USP39: variants seen among roughly 807,000 people sequenced by gnomAD.
USP39 encodes the protein ubiquitin specific peptidase 39.
A neutral mutation model predicts 66.4 loss-of-function variants in USP39; 38 were observed. The observed-to-expected ratio is 0.57, with a 90% CI of 0.44 to 0.75. The LOEUF (loss-of-function observed/expected upper bound fraction) is 0.75, where lower values mean the gene tolerates loss of function less well. USP39 is among the 30% of genes least tolerant of loss of function. USP39 has a pLI of 0.00. For missense variants in USP39, 608 were observed against 714.4 expected (o/e 0.85, Z 1.70); for synonymous variants, 303 against 274.6 (o/e 1.10, Z -1.02).
intron 8 of USP39, among the ~76,000 whole-genome samples, chr2:85,638,185 C>G (rs1675931758): frequency 6.6e-6 from 1 of 151,800 alleles, no homozygotes; most frequent in Non-Finnish European, 1.5e-5. Flanking sequence ...CTATGCCTGG[C>G]TAATTTTTCT....
At chr2:85,615,123 C>T (rs1056247487), upstream of USP39, among the ~76,000 whole-genome samples, 2 of 151,992 alleles carry the variant, frequency 1.3e-5, no homozygotes, top group Non-Finnish European at 2.9e-5. Context: ...CGGGTTCAAG[C>T]GATTCTCCTG....
At chr2:85,622,789 A>T (rs1049525492) in intron 3 of USP39, among the ~76,000 whole-genome samples, 2 of 152,106 alleles carry the variant, frequency 1.3e-5, no homozygotes, top group African/African-American at 4.8e-5. Context: ...TACACACCTA[A>T]TCCTAGCATT....
At chr2:85,620,437 C>T (rs1295032434) in intron 2 of USP39, among the ~76,000 whole-genome samples, 1 of 151,654 alleles carries the variant, frequency 6.6e-6, no homozygotes, top group East Asian at 1.9e-4. Flanking sequence ...TGAGATTGCG[C>T]CACTGTACTC....
chr2:85,620,181 A>C (rs1674350717), intron 2 of USP39, among the ~76,000 whole-genome samples: 2 of 151,480 alleles, frequency 1.3e-5, no homozygotes, highest in Admixed American at 6.6e-5. Context: ...TTTTAAAAAA[A>C]CTTAAAAAAA....
chr2:85,616,521 C>G (rs1673970262), intron 1 of USP39, 58 bp downstream of exon 1: 1 of 1,071,922 alleles, frequency 9.3e-7, no homozygotes, highest in Non-Finnish European at 1.1e-6. Context: ...GTCCTTTTTT[C>G]TTGTCTCTAA....
chr2:85,647,878 AC>A (rs1281985762), intron 11 of USP39, 51 bp from the exon 12 acceptor site: 11 of 1,560,132 alleles, frequency 7.1e-6, no homozygotes, highest in South Asian at 1.1e-5. Context: ...TTCCTTCTAC[AC>A]CCTTTTGGTT....
intron 6 of USP39, among the ~76,000 whole-genome samples, chr2:85,631,176 G>A (rs770063662): frequency 7.2e-5 from 11 of 151,858 alleles, no homozygotes; most frequent in Admixed American, 4.6e-4. Flanking sequence ...CACCACGCCC[G>A]GCTAATTTTT....
chr2:85,638,838 A>ATTT lies in USP39; in HGVS notation c.1096-352_1096-350dup, dbSNP rs199596765. On this transcript the variant is annotated intron_variant, in intron 8 of 12. Coordinates refer to ENST00000323701, the MANE Select transcript of USP39 (RefSeq NM_006590.4). ...AGGTGTGAGCCATCATGCCCGGCCA[A>ATTT]TTTTTTTTTTTTTTTGTAGAGATGG... Among the ~76,000 whole-genome samples the ATTT allele has an allele frequency of 2.2e-3, 290 of 132,310 alleles. 6 individuals carry two copies. In the East Asian group the frequency reaches 0.039, roughly 18 times the overall value. 86.8% of individuals were successfully genotyped at this position (132,310 alleles called of 152,430 possible). A position where few individuals can be genotyped will look rare whatever the true frequency, so the allele number is the denominator to read the frequency against.
intron 1 of USP39, among the ~76,000 whole-genome samples, chr2:85,618,046 C>T (rs1045095013): frequency 3.3e-5 from 5 of 152,004 alleles, no homozygotes; most frequent in African/African-American, 1.2e-4. Flanking sequence ...CTCTGCCTCC[C>T]AGGTTCAAGC....
chr2:85,642,549 A>G (rs1286069257), intron 10 of USP39, among the ~76,000 whole-genome samples: 1 of 152,224 alleles, frequency 6.6e-6, no homozygotes, highest in Non-Finnish European at 1.5e-5. Context: ...AGTAGGCCCA[A>G]TATAAAAGTT....
upstream of USP39, chr2:85,607,747 A>G (rs1448478081): frequency 6.6e-6 from 1 of 152,238 alleles, no homozygotes; most frequent in Non-Finnish European, 1.5e-5. Context: ...GCTTAAAGCC[A>G]TATTTCAAGG....
chr2:85,635,152 G>A (rs72923066), intron 6 of USP39, among the ~76,000 whole-genome samples: 2,968 of 152,306 alleles, frequency 0.019, 107 homozygotes, highest in African/African-American at 0.067. Context: ...GGAGTTGTTA[G>A]AGGCCTCTGG....
upstream of USP39, among the ~76,000 whole-genome samples, chr2:85,610,042 T>C (rs995433255): frequency 7.5e-6 from 1 of 132,548 alleles, no homozygotes; most frequent in Non-Finnish European, 1.6e-5. Context: ...TGAGACGGAG[T>C]CTTGCTCTGT....
At chr2:85,635,651 C>T (rs561905761) in intron 6 of USP39, among the ~76,000 whole-genome samples, 343 of 152,246 alleles carry the variant, frequency 2.3e-3, no homozygotes, top group Middle Eastern at 6.8e-3. Context: ...GCTTTCAGAA[C>T]CCCTTGTTCT....
At chr2:85,611,262 A>G, upstream of USP39, 1 of 1,386,284 alleles carries the variant, frequency 7.2e-7, no homozygotes, top group Non-Finnish European at 9.3e-7. Context: ...ATTGACCGTC[A>G]TATATTAACC....
At chr2:85,638,007 C>T (rs1204035881) in intron 8 of USP39, among the ~76,000 whole-genome samples, 1 of 147,414 alleles carries the variant, frequency 6.8e-6, no homozygotes, top group Non-Finnish European at 1.5e-5. Context: ...CTCAGCTAAG[C>T]TTCCTAGATG....
At position 85,633,072 on chromosome 2, in the gene USP39, C is replaced by A. The variant is rs180685765; in HGVS notation, c.949+2126C>A. ...GGGACCAGATGGCCTGCTTTATAAGCTACCATAAGGAGCTTGGATTATATC... is the reference window on the plus strand; with the variant it reads ...GGGACCAGATGGCCTGCTTTATAAGATACCATAAGGAGCTTGGATTATATC... On this transcript the variant is annotated intron_variant, in intron 6 of 12. Transcript: ENST00000323701. Among the ~76,000 whole-genome samples, 98 of 152,160 alleles carry A rather than the reference C, an allele frequency of 6.4e-4. 2 individuals carry two copies. Among genetic ancestry groups the A allele is most frequent in the South Asian group, 4.4e-3 (21 of 4,820 alleles).
chr2:85,648,124 G>T (rs894394292), intron 12 of USP39, 108 bp downstream of exon 12: 5 of 1,135,390 alleles, frequency 4.4e-6, no homozygotes, highest in Non-Finnish European at 6.5e-6. Flanking sequence ...TGGTTGGAGG[G>T]CCAGGTACCT....
chr2:85,619,314 A>G lies in USP39; in HGVS notation c.338+25A>G, dbSNP rs372760681. On this transcript the variant is annotated intron_variant, in intron 2 of 12. Coordinates refer to ENST00000323701, the MANE Select transcript of USP39 (RefSeq NM_006590.4). Reference sequence around the variant, plus strand: ...GGTCAGTAGGACAGAGATGCTGAGTATAGCACAAGAACAATGGAATCTGTG... The same window carrying G: ...GGTCAGTAGGACAGAGATGCTGAGTGTAGCACAAGAACAATGGAATCTGTG... The G allele has an allele frequency of 6.2e-6, 10 of 1,608,810 alleles. No individual in the cohort carries two copies. In the African/African-American group the frequency reaches 8.0e-5, roughly 13 times the overall value.
Sources: allele counts gnomAD v4.1 joint callset (sites outside exome capture counted in the v4.1 genomes callset), GRCh38; gene constraint gnomAD v4.1.1; transcripts MANE v1.5; gene names NCBI Gene and HGNC (gene_info 2026-07-23, HGNC 2026-07-21).